Variants in GSK3B observed in about 807,000 individuals in gnomAD.
GSK3B encodes glycogen synthase kinase-3 beta.
GSK3B carries 15 observed loss-of-function variants against 56.4 expected under a neutral mutation model. That is an observed-to-expected ratio of 0.27 (90% CI 0.18 to 0.41). The LOEUF (loss-of-function observed/expected upper bound fraction) is 0.41. GSK3B is among the 10% of genes least tolerant of loss of function. The pLI is 1.00. For missense variants in GSK3B, 300 were observed against 513.4 expected, an observed-to-expected ratio of 0.58 and a Z score of 4.02; for synonymous variants, 181 against 188.9, an observed-to-expected ratio of 0.96 and a Z score of 0.34.
At chr3:119,990,288 C>T (rs138898745) in intron 2 of GSK3B, among the ~76,000 whole-genome samples, 1 of 152,194 alleles carries the variant, frequency 6.6e-6, no homozygotes, top group East Asian at 1.9e-4. Context: ...CCATAAACTT[C>T]TCCACACACA....
chr3:119,962,508 T>C lies in GSK3B; in HGVS notation c.283-15157A>G, dbSNP rs77987809. Among the ~76,000 whole-genome samples, 752 of 152,284 alleles carry C rather than the reference T, an allele frequency of 4.9e-3. 3 individuals are homozygous for C. The highest frequency in any genetic ancestry group is 0.017 in the African/African-American group (704 of 41,550). On this transcript the variant is annotated intron_variant, in intron 2 of 10. Transcript: ENST00000264235. ...GGCAAGAATGCCCACTCTTGCCATCTATTCAACATAGTACTGTAAGTCCTA... is the reference window on the plus strand; with the variant it reads ...GGCAAGAATGCCCACTCTTGCCATCCATTCAACATAGTACTGTAAGTCCTA...
intron 7 of GSK3B, among the ~76,000 whole-genome samples, chr3:119,889,242 C>T (rs1405654358): frequency 1.3e-5 from 2 of 151,982 alleles, no homozygotes; most frequent in Non-Finnish European, 2.9e-5. Flanking sequence ...CCCCGGAGGC[C>T]GAGCTGTAAA....
intron 7 of GSK3B, among the ~76,000 whole-genome samples, chr3:119,891,254 A>G (rs2056498406): frequency 6.6e-6 from 1 of 151,812 alleles, no homozygotes; most frequent in Admixed American, 6.6e-5. Flanking sequence ...CAGCATTCTA[A>G]AAGAGAATAA....
chr3:120,075,171 C>CA (rs1176475452), intron 1 of GSK3B, among the ~76,000 whole-genome samples: 4 of 152,218 alleles, frequency 2.6e-5, no homozygotes, highest in Non-Finnish European at 2.9e-5. Flanking sequence ...AAGCATTCAA[C>CA]AAAGTTAAAC....
chr3:119,892,544 G>A (rs9838456), intron 7 of GSK3B, among the ~76,000 whole-genome samples: 5,230 of 152,182 alleles, frequency 0.034, 322 homozygotes, highest in African/African-American at 0.12. Context: ...TACTGGGCTT[G>A]CCCTATTGCC....
intron 3 of GSK3B, 30 bp from the exon 4 acceptor site, chr3:119,923,513 A>C (rs2056863429): frequency 9.2e-7 from 1 of 1,092,386 alleles, no homozygotes; most frequent in African/African-American, 1.6e-5. Flanking sequence ...AAAACAAAAA[A>C]CAAAACAGAT....
chr3:120,065,259 C>G (rs942075106), intron 1 of GSK3B, among the ~76,000 whole-genome samples: 1 of 152,034 alleles, frequency 6.6e-6, no homozygotes, highest in Non-Finnish European at 1.5e-5. Context: ...ACACTTAAAA[C>G]TCAACAACAA....
At chr3:119,852,686 T>C (rs2055953412) in intron 9 of GSK3B, among the ~76,000 whole-genome samples, 1 of 152,168 alleles carries the variant, frequency 6.6e-6, no homozygotes, top group Admixed American at 6.5e-5. Context: ...AAATGAGGCA[T>C]TACCAAGTTT....
chr3:119,986,785 A>G (rs1435446892), intron 2 of GSK3B, among the ~76,000 whole-genome samples: 2 of 152,226 alleles, frequency 1.3e-5, no homozygotes, highest in African/African-American at 4.8e-5. Context: ...GGATTCCTCA[A>G]GGATCTAGAA....
intron 1 of GSK3B, among the ~76,000 whole-genome samples, chr3:120,008,385 G>C (rs559560119): frequency 1.1e-4 from 16 of 152,286 alleles, no homozygotes; most frequent in Admixed American, 9.2e-4. Context: ...AAACACAAAA[G>C]AGCCTGCATA....
At chr3:119,830,410 A>C (rs1577299910) in intron 10 of GSK3B, among the ~76,000 whole-genome samples, 1 of 152,352 alleles carries the variant, frequency 6.6e-6, no homozygotes, top group East Asian at 1.9e-4. Flanking sequence ...ATGTTTATTA[A>C]TTTAAAATTC....
intron 2 of GSK3B, among the ~76,000 whole-genome samples, chr3:120,000,918 CTTTT>C (rs71156781): frequency 5.5e-5 from 5 of 91,054 alleles, no homozygotes; most frequent in Non-Finnish European, 8.3e-5. Flanking sequence ...ATGTAATCTC[CTTTT>C]TTTTTTTTTT....
chr3:119,919,732 C>G (rs976124725), intron 4 of GSK3B, among the ~76,000 whole-genome samples: 2 of 151,472 alleles, frequency 1.3e-5, no homozygotes, highest in Admixed American at 6.6e-5. Context: ...ATAGCAAAAA[C>G]CAAAAAAACC....
Position 119,959,659 on chromosome 3 carries a change from C to T in GSK3B, c.283-12308G>A, listed in dbSNP as rs547500154. On this transcript the variant is annotated intron_variant, in intron 2 of 10. Transcript: ENST00000264235. ...CCTCCTGAGTAGCTGGGATTACACGCGTGTACCACCATGCCCAGCTAATTT... is the reference window on the plus strand; with the variant it reads ...CCTCCTGAGTAGCTGGGATTACACGTGTGTACCACCATGCCCAGCTAATTT... Among the ~76,000 whole-genome samples the T allele has an allele frequency of 5.3e-4, 80 of 151,954 alleles. No homozygotes were observed. The Middle Eastern group carries it at 0.01, about 19-fold the overall frequency.
intron 4 of GSK3B, 63 bp from the exon 5 acceptor site, chr3:119,916,237 C>A: frequency 7.2e-7 from 1 of 1,388,226 alleles, no homozygotes; most frequent in South Asian, 1.3e-5. Context: ...AATCCTTAAG[C>A]AGTCAATAAA....
At chr3:120,072,039 T>G (rs1218548169) in intron 1 of GSK3B, among the ~76,000 whole-genome samples, 1 of 152,226 alleles carries the variant, frequency 6.6e-6, no homozygotes, top group African/African-American at 2.4e-5. Context: ...TACTGAATAT[T>G]AAGTCAATGA....
At chr3:119,846,767 C>T (rs1311345637) in intron 9 of GSK3B, among the ~76,000 whole-genome samples, 1 of 152,082 alleles carries the variant, frequency 6.6e-6, no homozygotes, top group Non-Finnish European at 1.5e-5. Flanking sequence ...ACCATTTGAC[C>T]CAGCCATCCC....
At chr3:119,905,398 G>A (rs1351111450) in intron 7 of GSK3B, among the ~76,000 whole-genome samples, 2 of 152,034 alleles carry the variant, frequency 1.3e-5, no homozygotes, top group African/African-American at 2.4e-5. Context: ...ATTAGGAGCA[G>A]GGAGTATACA....
intron 1 of GSK3B, among the ~76,000 whole-genome samples, chr3:120,063,727 C>CAAA (rs58811446): frequency 1.2e-5 from 1 of 81,734 alleles, no homozygotes; most frequent in Non-Finnish European, 2.5e-5. Flanking sequence ...GACTCTGTCT[C>CAAA]AAAAAAAAAA....
Sources: gnomAD v4.1 joint callset for allele counts (sites outside exome capture counted in the v4.1 genomes callset) on GRCh38, gnomAD v4.1.1 for gene constraint, MANE v1.5 for transcripts, NCBI Gene and HGNC (gene_info 2026-07-23, HGNC 2026-07-21) for gene names.